Variants in PTPRG observed in about 807,000 individuals in gnomAD.
PTPRG encodes receptor-type tyrosine-protein phosphatase gamma.
Under a neutral mutation model 165.3 loss-of-function variants are expected in PTPRG, and 102 were observed. That is an observed-to-expected ratio of 0.62 (90% CI 0.53 to 0.73). PTPRG has a LOEUF of 0.73. PTPRG is among the 30% of genes least tolerant of loss of function. PTPRG has a pLI of 0.00. For synonymous variants in PTPRG, 675 were observed against 669.5 expected, an observed-to-expected ratio of 1.01 and a Z score of -0.13; for missense variants, 1,866 against 1,861.4, an observed-to-expected ratio of 1.00 and a Z score of -0.05.
At chr3:61,907,680 AT>A (rs1278940711) in intron 2 of PTPRG, among the ~76,000 whole-genome samples, 1 of 152,188 alleles carries the variant, frequency 6.6e-6, no homozygotes, top group Non-Finnish European at 1.5e-5. Context: ...GATGATAACG[AT>A]TGGCCTGGAA....
chr3:62,000,672 C>T (rs190891276), intron 3 of PTPRG, among the ~76,000 whole-genome samples: 61 of 152,346 alleles, frequency 4.0e-4, no homozygotes, highest in African/African-American at 1.4e-3. Flanking sequence ...CACCCCCGCT[C>T]TTCCTATTGT....
chr3:62,243,722 A>G (rs1701217876), intron 14 of PTPRG, 85 bp from the exon 15 acceptor site: 1 of 829,876 alleles, frequency 1.2e-6, no homozygotes, highest in Admixed American at 2.4e-5. Flanking sequence ...TAAAGCTGGG[A>G]AGATCTATAA....
chr3:62,069,692 A>ACACACC (rs2106722908), intron 4 of PTPRG, among the ~76,000 whole-genome samples: 1 of 130,198 alleles, frequency 7.7e-6, no homozygotes, highest in South Asian at 2.5e-4. Flanking sequence ...TCTCACACAC[A>ACACACC]GACACACGCA....
chr3:62,271,827 C>A lies in PTPRG; in HGVS notation c.3182+272C>A, dbSNP rs1249174175. On this transcript the variant is annotated intron_variant, in intron 21 of 29. Transcript: ENST00000474889. This position sits in a 1 kb window ranked among gnomAD's most constrained non-coding sequence, Gnocchi z 4.1. Reference sequence around the variant, plus strand: ...AATATCAGCCAGGCATGGAGGCCAACTCCTGTAATCCCAGCACTTTGGGAG... The same window carrying A: ...AATATCAGCCAGGCATGGAGGCCAAATCCTGTAATCCCAGCACTTTGGGAG... Among the ~76,000 whole-genome samples, 2 of 152,158 alleles carry A rather than the reference C, an allele frequency of 1.3e-5. No individual in the cohort carries two copies. Among genetic ancestry groups the A allele is most frequent in the Non-Finnish European group, 2.9e-5 (2 of 68,026 alleles).
chr3:61,809,662 G>A lies in PTPRG; in HGVS notation c.190+60680G>A, dbSNP rs534392566. On this transcript the variant is annotated intron_variant, in intron 2 of 29. Coordinates refer to ENST00000474889, the MANE Select transcript of PTPRG (RefSeq NM_002841.4). ...ATGTACCTAGCAGGTTATCTGGCAC[G>A]TTGTAAGCTTGAAAAGAAAATAATA... 8.5e-5 allele frequency among the ~76,000 whole-genome samples: 13 copies of A among 152,248 alleles called. No homozygotes were observed. In the South Asian group the frequency reaches 1.7e-3, roughly 19 times the overall value.
chr3:61,855,150 T>A (rs2037064931), intron 2 of PTPRG, among the ~76,000 whole-genome samples: 1 of 152,174 alleles, frequency 6.6e-6, no homozygotes, highest in Non-Finnish European at 1.5e-5. Context: ...TCCCTAAAAG[T>A]GTTACTAAGC....
At chr3:62,212,116 G>A (rs1233658831) in intron 12 of PTPRG, among the ~76,000 whole-genome samples, 1 of 152,118 alleles carries the variant, frequency 6.6e-6, no homozygotes, top group African/African-American at 2.4e-5. Context: ...CATACGCTCA[G>A]AGAGGGTTCG....
chr3:61,598,972 T>C (rs9828680), intron 1 of PTPRG, among the ~76,000 whole-genome samples: 36,309 of 151,920 alleles, frequency 0.24, 4,689 homozygotes, highest in African/African-American at 0.34. Flanking sequence ...CCCTAATGAC[T>C]TCATCTTAAT....
chr3:61,609,129 T>C (rs1701094526), intron 1 of PTPRG, among the ~76,000 whole-genome samples: 1 of 152,234 alleles, frequency 6.6e-6, no homozygotes, highest in Non-Finnish European at 1.5e-5. Flanking sequence ...CAGGACGATA[T>C]ACCTTCATCA....
intron 2 of PTPRG, among the ~76,000 whole-genome samples, chr3:61,761,837 C>T (rs2033846014): frequency 3.3e-5 from 5 of 152,298 alleles, no homozygotes. Context: ...CCAAAGGCAT[C>T]ATTTAGTAGC....
chr3:61,662,958 G>A (rs763352678), intron 1 of PTPRG, among the ~76,000 whole-genome samples: 2 of 152,124 alleles, frequency 1.3e-5, no homozygotes, highest in Admixed American at 6.5e-5. Context: ...AGTAGCTTCC[G>A]ATATGACTGT....
intron 2 of PTPRG, among the ~76,000 whole-genome samples, chr3:61,806,831 A>C (rs151082244): frequency 1.3e-5 from 2 of 152,202 alleles, no homozygotes; most frequent in African/African-American, 4.8e-5. Flanking sequence ...TAGGAAATCA[A>C]ATGAACTGGG....
intron 2 of PTPRG, among the ~76,000 whole-genome samples, chr3:61,882,343 A>G (rs2037911330): frequency 6.6e-6 from 1 of 152,102 alleles, no homozygotes; most frequent in Non-Finnish European, 1.5e-5. Context: ...ATAGATTTGT[A>G]CTCTGTTTTG....
At chr3:61,581,912 G>A (rs553216764) in intron 1 of PTPRG, among the ~76,000 whole-genome samples, 2 of 151,504 alleles carry the variant, frequency 1.3e-5, no homozygotes, top group African/African-American at 4.8e-5. Context: ...CTGGCATATA[G>A]GTCCTTCTTT....
intron 2 of PTPRG, among the ~76,000 whole-genome samples, chr3:61,973,355 C>G (rs1283518374): frequency 6.6e-6 from 1 of 152,166 alleles, no homozygotes; most frequent in Non-Finnish European, 1.5e-5. Context: ...CAGCTAAGTT[C>G]ATCAATATGG....
chr3:61,801,643 C>T (rs960211895), intron 2 of PTPRG, among the ~76,000 whole-genome samples: 12 of 151,984 alleles, frequency 7.9e-5, no homozygotes, highest in Non-Finnish European at 1.2e-4. Flanking sequence ...GGTTGGGTTC[C>T]GCTTCTCAAG....
chr3:61,634,564 C>A (rs570978402), intron 1 of PTPRG, among the ~76,000 whole-genome samples: 7 of 151,718 alleles, frequency 4.6e-5, no homozygotes, highest in Admixed American at 4.6e-4. Context: ...TTTTTTAAAC[C>A]ATGAAGTTGT....
intron 2 of PTPRG, among the ~76,000 whole-genome samples, chr3:61,941,309 G>C (rs2039621620): frequency 6.6e-6 from 1 of 152,228 alleles, no homozygotes; most frequent in Non-Finnish European, 1.5e-5. Context: ...TAATCTCAGA[G>C]AGTCAGATGA....
In PTPRG at chr3:61,627,655, A is replaced by C. The variant is rs1575548176; in HGVS notation, c.85+65283A>C. 2.6e-5 allele frequency among the ~76,000 whole-genome samples: 4 copies of C among 152,342 alleles called. No homozygotes were observed. In the East Asian group the frequency reaches 7.7e-4, roughly 29 times the overall value. On this transcript the variant is annotated intron_variant, in intron 1 of 29. Transcript: ENST00000474889. ...ATTTGAACTCAGCCCCATGGAATAA[A>C]GGGAATGTTTTATTCATCAGACTGT...
Sources: allele counts gnomAD v4.1 joint callset (sites outside exome capture counted in the v4.1 genomes callset), GRCh38; gene constraint gnomAD v4.1.1; non-coding constraint Gnocchi (gnomAD v3.1); transcripts MANE v1.5; gene names NCBI Gene and HGNC (gene_info 2026-07-23, HGNC 2026-07-21).